The following INKA2 variants were observed in gnomAD, a reference collection of about 807,000 sequenced individuals.
INKA2 encodes the protein PAK4-inhibitor INKA2.
In INKA2, 3 loss-of-function variants were observed where a neutral mutation model predicts 9.8. The ratio of observed to expected loss-of-function variants is 0.31; its 90% confidence interval spans 0.14 to 0.79. The LOEUF (loss-of-function observed/expected upper bound fraction) is 0.79. Ranked by LOEUF, INKA2 falls within the 30% of genes least tolerant of loss-of-function variation. The pLI is 0.62. For missense variants in INKA2, 392 were observed against 384.4 expected (o/e 1.02, Z -0.17); for synonymous variants, 147 against 143.3 (o/e 1.03, Z -0.18).
At position 111,739,202 on chromosome 1, in the gene INKA2, C is replaced by A; in HGVS notation, c.41G>T (p.Arg14Leu). 1 of 1,613,660 alleles carries A rather than the reference C, an allele frequency of 6.2e-7. No homozygotes were observed. Among genetic ancestry groups the A allele is most frequent in the Non-Finnish European group, 8.5e-7 (1 of 1,179,764 alleles). The change falls in exon 1 of 2, where the codon CGC (arginine) becomes CTC (leucine). Residue 14 changes from arginine (R) to leucine (L), a missense_variant. Coordinates refer to ENST00000357260, the MANE Select transcript of INKA2 (RefSeq NM_019099.5). ...ESREMDCYLR[R>L]LKQELMSMKE... ...CGCTCTTACCAGCTCCTGTTTGAGG[C>A]GACGGAGATAGCAGTCCATTTCCCT... is the stretch of plus-strand genomic sequence containing the variant.
At chr1:111,744,492 T>G (rs1663217479) in intron 1 of INKA2, 1 of 152,034 alleles carries the variant, frequency 6.6e-6, no homozygotes, top group African/African-American at 2.4e-5. Flanking sequence ...GGATGTGCCC[T>G]AAGGTGGACT....
At chr1:111,733,856 C>T (rs147299683) in intron 1 of INKA2, among the ~76,000 whole-genome samples, 133 of 152,330 alleles carry the variant, frequency 8.7e-4, no homozygotes, top group African/African-American at 3.1e-3. Context: ...ATCCATCTCA[C>T]GCCCTCTCCC....
rs140925986 is a variant in INKA2, at chr1:111,726,711, GCACACA to G, written c.*251_*256del. ...ATGCATGCCAGACAGACACACACAT[GCACACA>G]CACACACACACACGCACAGCTCACT... On this transcript the variant is annotated 3_prime_UTR_variant, in exon 2 of 2. Coordinates refer to ENST00000357260, the MANE Select transcript of INKA2 (RefSeq NM_019099.5). The G allele has an allele frequency of 8.5e-6, 4 of 470,744 alleles. No individual in the cohort carries two copies. The highest frequency in any genetic ancestry group is 3.8e-5 in the Admixed American group (1 of 26,264). 29.2% of individuals were successfully genotyped at this position (470,744 alleles called of 1,614,324 possible). A position where few individuals can be genotyped will look rare whatever the true frequency, so the allele number is the denominator to read the frequency against.
intron 1 of INKA2, among the ~76,000 whole-genome samples, chr1:111,750,819 C>T (rs564430984): frequency 6.6e-6 from 1 of 152,334 alleles, no homozygotes; most frequent in Non-Finnish European, 1.5e-5. Context: ...AACACTACCC[C>T]CCTTTGGAAG....
chr1:111,726,380 C>T lies in INKA2; in HGVS notation c.*588G>A. On this transcript the variant is annotated 3_prime_UTR_variant, in exon 2 of 2. Transcript: ENST00000357260. ...CATTTTCTCAGAGTCCAGGTATGGA[C>T]TGAAACCTCCAAGGCAGAAAGGGCT... is the stretch of plus-strand genomic sequence containing the variant. 3.4e-6 allele frequency: 1 copy of T among 292,226 alleles called. No individual in the cohort carries two copies. Among genetic ancestry groups the T allele is most frequent in the Admixed American group, 5.0e-5 (1 of 20,166 alleles). The allele number at this position is 292,226 out of a possible 1,614,324, so 18.1% of individuals were successfully genotyped here. A position where few individuals can be genotyped will look rare whatever the true frequency, so the allele number is the denominator to read the frequency against.
At chr1:111,732,546 C>T (rs923748970) in intron 1 of INKA2, among the ~76,000 whole-genome samples, 66 of 149,384 alleles carry the variant, frequency 4.4e-4, no homozygotes, top group Non-Finnish European at 6.8e-4. Context: ...CTTTCTAACC[C>T]ACTCCTAGTC....
intron 1 of INKA2, chr1:111,747,607 T>C (rs981398981): frequency 2.6e-5 from 4 of 152,288 alleles, no homozygotes; most frequent in Non-Finnish European, 5.9e-5. Context: ...TGGGATGTGA[T>C]GTGTGCTTTG....
chr1:111,749,520 T>G (rs1433540914), intron 1 of INKA2, among the ~76,000 whole-genome samples: 1 of 152,140 alleles, frequency 6.6e-6, no homozygotes, highest in Non-Finnish European at 1.5e-5. Context: ...AGAACAAATC[T>G]CTTTTGTTGT....
chr1:111,724,542 A>G lies in INKA2; in HGVS notation c.*2426T>C, dbSNP rs1445534198. 1.3e-5 allele frequency: 2 copies of G among 151,028 alleles called. No homozygotes were observed. The highest frequency in any genetic ancestry group is 2.9e-5 in the Non-Finnish European group (2 of 68,042). 9.4% of individuals were successfully genotyped at this position (151,028 alleles called of 1,614,324 possible). A position where few individuals can be genotyped will look rare whatever the true frequency, so the allele number is the denominator to read the frequency against. ...ATGATTCAGTAGGTGGAATCTTAAC[A>G]TGCAGTTTCTTAGCACGCGCAGGCA... On this transcript the variant is annotated 3_prime_UTR_variant, in exon 2 of 2. Transcript: ENST00000357260.
intron 1 of INKA2, chr1:111,755,349 G>A (rs1474122127): frequency 1.8e-5 from 6 of 342,360 alleles, no homozygotes; most frequent in Non-Finnish European, 3.2e-5. Context: ...TTATCTCACC[G>A]GAGATAAATG....
At chr1:111,747,330 TTGTC>T (rs1396616414) in intron 1 of INKA2, 2 of 152,254 alleles carry the variant, frequency 1.3e-5, no homozygotes, top group Non-Finnish European at 2.9e-5. Context: ...TGTCTGCTGT[TTGTC>T]TATCTTTCTC....
rs41312700 is a variant in INKA2, at chr1:111,725,170, C to G, written c.*1798G>C. 2.6e-5 allele frequency: 4 copies of G among 152,138 alleles called. No individual in the cohort carries two copies. Among genetic ancestry groups the G allele is most frequent in the Non-Finnish European group, 5.9e-5 (4 of 68,092 alleles). The allele number at this position is 152,138 out of a possible 1,614,324, so 9.4% of individuals were successfully genotyped here. On this transcript the variant is annotated 3_prime_UTR_variant, in exon 2 of 2. Coordinates refer to ENST00000357260, the MANE Select transcript of INKA2 (RefSeq NM_019099.5). ...GGGATCCAGGAAGCAAGCAGAAGAG[C>G]CTTTTCTTACTATTTTGCCTCTCCA...
At chr1:111,734,092 C>A (rs992425460) in intron 1 of INKA2, among the ~76,000 whole-genome samples, 1 of 152,242 alleles carries the variant, frequency 6.6e-6, no homozygotes, top group Non-Finnish European at 1.5e-5. Flanking sequence ...GCCCCTCACA[C>A]TTGGCTGGAA....
chr1:111,745,268 TATA>T (rs1557915338), intron 1 of INKA2: 7 of 36,656 alleles, frequency 1.9e-4, no homozygotes, highest in African/African-American at 5.0e-4. Context: ...AGAGATATTA[TATA>T]TATATATATA....
intron 1 of INKA2, among the ~76,000 whole-genome samples, chr1:111,732,429 C>G (rs1662928072): frequency 6.6e-6 from 1 of 152,100 alleles, no homozygotes; most frequent in Non-Finnish European, 1.5e-5. Context: ...CTCTTACTGT[C>G]TTGGAGCCTC....
chr1:111,727,661 A>C lies in INKA2; in HGVS notation c.201T>G (p.Pro67=). The part of the protein sequence containing the change: ...ISGGGPVPGS[P]EGPRTQCEHP... ...GCTCGCACTGGGTCCTGGGACCTTC[A>C]GGGCTGCCTGGCACAGGACCCCCTC... Residue 67 remains proline, a synonymous_variant, in exon 2 of 2, where the codon CCT becomes CCG. Transcript: ENST00000357260. 1 of 1,610,534 alleles carries C rather than the reference A, an allele frequency of 6.2e-7. No homozygotes were observed.
At chr1:111,736,580 A>C (rs1167883378) in intron 1 of INKA2, among the ~76,000 whole-genome samples, 1 of 152,238 alleles carries the variant, frequency 6.6e-6, no homozygotes, top group African/African-American at 2.4e-5. Context: ...ATTTACTGAA[A>C]TAAATGAATA....
At chr1:111,753,999 A>G (rs1299594881) in intron 1 of INKA2, 2 of 152,268 alleles carry the variant, frequency 1.3e-5, no homozygotes, top group Non-Finnish European at 2.9e-5. Context: ...TGTGGGGTAC[A>G]TGGCTGGGAT....
intron 1 of INKA2, among the ~76,000 whole-genome samples, chr1:111,736,354 A>G (rs1001339079): frequency 2.0e-5 from 3 of 152,114 alleles, no homozygotes; most frequent in Non-Finnish European, 4.4e-5. Context: ...ACCTGTTACA[A>G]TGAAATTTTC....
Sources: allele counts gnomAD v4.1 joint callset (sites outside exome capture counted in the v4.1 genomes callset), GRCh38; gene constraint gnomAD v4.1.1; transcripts MANE v1.5; gene names NCBI Gene and HGNC (gene_info 2026-07-23, HGNC 2026-07-21).